The following CACNG3 variants were observed in gnomAD, a reference collection of about 807,000 sequenced individuals.
The protein encoded by CACNG3 is voltage-dependent calcium channel gamma-3 subunit.
A neutral mutation model predicts 28.5 loss-of-function variants in CACNG3; 3 were observed. That is an observed-to-expected ratio of 0.11 (90% CI 0.05 to 0.27). The LOEUF (loss-of-function observed/expected upper bound fraction) is 0.27, where lower values mean the gene tolerates loss of function less well. CACNG3 is among the 10% of genes least tolerant of loss of function. The probability of loss-of-function intolerance (pLI) is 1.00; values close to 1 mark genes in which losing one functional copy is unlikely to be tolerated. For synonymous variants in CACNG3, 174 were observed against 162.2 expected, an observed-to-expected ratio of 1.07 and a Z score of -0.55; for missense variants, 236 against 414.4, an observed-to-expected ratio of 0.57 and a Z score of 3.74.
intron 1 of CACNG3, among the ~76,000 whole-genome samples, chr16:24,273,853 A>G (rs1224648199): frequency 6.6e-6 from 1 of 152,150 alleles, no homozygotes; most frequent in Non-Finnish European, 1.5e-5. Flanking sequence ...AGTTTTTTTA[A>G]CAGATCATTT....
At chr16:24,342,540 AAAATT>A in intron 1 of CACNG3, among the ~76,000 whole-genome samples, 1 of 152,182 alleles carries the variant, frequency 6.6e-6, no homozygotes, top group Non-Finnish European at 1.5e-5. Context: ...GGGGACCAGC[AAAATT>A]GTTGTTAAAC....
chr16:24,257,376 A>G (rs1433126033), intron 1 of CACNG3, among the ~76,000 whole-genome samples: 347 of 27,460 alleles, frequency 0.013, 28 homozygotes, highest in Non-Finnish European at 0.017. Flanking sequence ...GGGGAGAGAG[A>G]GAGAGAGAGA....
At chr16:24,345,191 C>G (rs975829835) in intron 1 of CACNG3, among the ~76,000 whole-genome samples, 1 of 152,080 alleles carries the variant, frequency 6.6e-6, no homozygotes, top group Non-Finnish European at 1.5e-5. Context: ...TCTGAAATAC[C>G]AACGCAGCTC....
chr16:24,326,418 G>A (rs1238197524), intron 1 of CACNG3, among the ~76,000 whole-genome samples: 2 of 152,136 alleles, frequency 1.3e-5, no homozygotes, highest in South Asian at 2.1e-4. Context: ...TGATCCGCCC[G>A]CCTCGGCCTC....
intron 1 of CACNG3, among the ~76,000 whole-genome samples, chr16:24,279,594 T>G (rs886506934): frequency 6.6e-6 from 1 of 152,198 alleles, no homozygotes; most frequent in African/African-American, 2.4e-5. Context: ...GGTGACCCAG[T>G]TCGCCCAACT....
chr16:24,326,254 C>A (rs911511121), intron 1 of CACNG3, among the ~76,000 whole-genome samples: 3 of 151,968 alleles, frequency 2.0e-5, no homozygotes, highest in Admixed American at 2.0e-4. Flanking sequence ...TCACCACAAC[C>A]TCCGCCTCCT....
At chr16:24,262,302 G>A (rs1381314326) in intron 1 of CACNG3, among the ~76,000 whole-genome samples, 2 of 152,166 alleles carry the variant, frequency 1.3e-5, no homozygotes, top group African/African-American at 4.8e-5. Flanking sequence ...AGATGGAAGA[G>A]AGAAATGGGA....
chr16:24,320,775 G>T (rs994215523), intron 1 of CACNG3, among the ~76,000 whole-genome samples: 2 of 152,062 alleles, frequency 1.3e-5, no homozygotes, highest in African/African-American at 4.8e-5. Flanking sequence ...TGTAGTCCAG[G>T]CTGGAACGCA....
intron 1 of CACNG3, among the ~76,000 whole-genome samples, chr16:24,298,912 T>C (rs1363572022): frequency 6.6e-6 from 1 of 152,170 alleles, no homozygotes; most frequent in African/African-American, 2.4e-5. Context: ...GGGGAAGAAG[T>C]CCACCAAGGT....
intron 2 of CACNG3, among the ~76,000 whole-genome samples, chr16:24,352,713 A>G (rs1899969446): frequency 6.6e-6 from 1 of 151,526 alleles, no homozygotes; most frequent in Non-Finnish European, 1.5e-5. Flanking sequence ...CTAATTTTTT[A>G]TTTTTTAGCA....
At chr16:24,335,249 G>A (rs2141375323) in intron 1 of CACNG3, among the ~76,000 whole-genome samples, 1 of 152,136 alleles carries the variant, frequency 6.6e-6, no homozygotes, top group East Asian at 1.9e-4. Context: ...GTGAAACGCT[G>A]TCTGTACTAA....
chr16:24,320,216 G>T (rs1446506630), intron 1 of CACNG3, among the ~76,000 whole-genome samples: 1 of 152,226 alleles, frequency 6.6e-6, no homozygotes, highest in African/African-American at 2.4e-5. Flanking sequence ...ATACTCAGAT[G>T]CGTTTCAGAA....
At chr16:24,296,481 G>A (rs900097933) in intron 1 of CACNG3, among the ~76,000 whole-genome samples, 3 of 152,274 alleles carry the variant, frequency 2.0e-5, no homozygotes, top group Middle Eastern at 3.4e-3. Flanking sequence ...GGACTGTGGC[G>A]ATACTACCGT....
chr16:24,291,453 C>T (rs1475127048), intron 1 of CACNG3, among the ~76,000 whole-genome samples: 1 of 152,124 alleles, frequency 6.6e-6, no homozygotes, highest in Non-Finnish European at 1.5e-5. Flanking sequence ...GTATGAACCA[C>T]ATAGGCTTAA....
At chr16:24,306,511 A>G (rs968038249) in intron 1 of CACNG3, among the ~76,000 whole-genome samples, 2 of 152,078 alleles carry the variant, frequency 1.3e-5, no homozygotes, top group Non-Finnish European at 2.9e-5. Flanking sequence ...CCTTCCACCC[A>G]TCTGGTATCT....
chr16:24,314,891 C>T (rs7190303), intron 1 of CACNG3, among the ~76,000 whole-genome samples: 43,235 of 151,430 alleles, frequency 0.29, 6,569 homozygotes, highest in African/African-American at 0.4. Context: ...TTATGATGAT[C>T]GAAAAACCAG....
At chr16:24,335,116 C>A (rs1224460291) in intron 1 of CACNG3, among the ~76,000 whole-genome samples, 1 of 152,110 alleles carries the variant, frequency 6.6e-6, no homozygotes, top group African/African-American at 2.4e-5. Flanking sequence ...CTCAGCTTCC[C>A]CTTCTATAAA....
Position 24,346,801 on chromosome 16 carries a change from A to G in CACNG3, c.279A>G (p.Thr93=). 6.2e-7 allele frequency: 1 copy of G among 1,614,088 alleles called. No homozygotes were observed. Among genetic ancestry groups the G allele is most frequent in the Non-Finnish European group, 8.5e-7 (1 of 1,179,906 alleles). ...AAGATGCTGACTACGAACAGGACAC[A>G]GCCGAATATCTCCTGCGTAAGTTCC... ...FPEDADYEQD[T]AEYLLRAVRA... The change falls in exon 2 of 4, where the codon ACA becomes ACG. Residue 93 remains threonine, a synonymous_variant. Coordinates refer to ENST00000005284, the MANE Select transcript of CACNG3 (RefSeq NM_006539.4).
At chr16:24,284,909 G>C (rs1898873285) in intron 1 of CACNG3, among the ~76,000 whole-genome samples, 1 of 151,804 alleles carries the variant, frequency 6.6e-6, no homozygotes, top group African/African-American at 2.4e-5. Context: ...TCATTGAAGG[G>C]GAAAGGTTGA....
Sources: gnomAD v4.1 joint callset for allele counts (sites outside exome capture counted in the v4.1 genomes callset) on GRCh38, gnomAD v4.1.1 for gene constraint, MANE v1.5 for transcripts, NCBI Gene and HGNC (gene_info 2026-07-23, HGNC 2026-07-21) for gene names.